Variants in NTM observed in about 807,000 individuals in gnomAD.
The protein encoded by NTM is IgLON family member 2.
In NTM, 13 loss-of-function variants were observed where a neutral mutation model predicts 42.1. The observed-to-expected ratio is 0.31, with a 90% CI of 0.20 to 0.49. NTM has a LOEUF of 0.49. Ranked by LOEUF, NTM falls within the 20% of genes least tolerant of loss-of-function variation. The pLI is 0.99. For synonymous variants in NTM, 187 were observed against 179.2 expected (o/e 1.04, Z -0.35); for missense variants, 373 against 452.8 (o/e 0.82, Z 1.60).
At position 131,775,500 on chromosome 11, in the gene NTM, G is replaced by A. The variant is rs116449905; in HGVS notation, c.83-136064G>A. Among the ~76,000 whole-genome samples, 561 of 152,214 alleles carry A rather than the reference G, an allele frequency of 3.7e-3. 5 individuals carry two copies. Among genetic ancestry groups the A allele is most frequent in the African/African-American group, 0.012 (515 of 41,540 alleles). ...CATGACTAAAAATTTGGTCATTTTA[G>A]TTGCTCTTATTTAATAAATCCCCAA... On this transcript the variant is annotated intron_variant, in intron 1 of 8. Transcript: ENST00000683400.
chr11:132,197,071 G>C (rs756445067), intron 3 of NTM, among the ~76,000 whole-genome samples: 23 of 152,168 alleles, frequency 1.5e-4, no homozygotes, highest in Non-Finnish European at 2.6e-4. Context: ...GCCACAGATG[G>C]GATGGAAGGG....
chr11:131,906,341 C>T (rs1389652469), intron 1 of NTM, among the ~76,000 whole-genome samples: 2 of 152,050 alleles, frequency 1.3e-5, no homozygotes, highest in Admixed American at 1.3e-4. Context: ...AAGAACCCTG[C>T]TGTAGGAGTC....
chr11:132,069,118 G>A (rs541296234), intron 2 of NTM, among the ~76,000 whole-genome samples: 29 of 151,770 alleles, frequency 1.9e-4, no homozygotes, highest in African/African-American at 7.0e-4. Context: ...TCACAGGTTA[G>A]TTTACACGTC....
intron 1 of NTM, among the ~76,000 whole-genome samples, chr11:131,394,627 GA>G (rs774083998): frequency 5.1e-4 from 77 of 152,300 alleles, no homozygotes; most frequent in Non-Finnish European, 9.3e-4. Context: ...CAGGCTAGGA[GA>G]AAAGCTGGCA....
rs79609745 is a variant in NTM at position 131,472,240 on chromosome 11, A to C, written c.82+101352A>C. Among the ~76,000 whole-genome samples the C allele has an allele frequency of 1.4e-3, 209 of 152,260 alleles. 3 individuals are homozygous for C. The East Asian group carries it at 0.037, about 27-fold the overall frequency. ...CCTGCTTTGTTTAATTACACTGGGT[A>C]TCCCCCCTGCATGGTGTCAGCCCCC... On this transcript the variant is annotated intron_variant, in intron 1 of 8. Transcript: ENST00000683400.
intron 3 of NTM, among the ~76,000 whole-genome samples, chr11:132,178,014 A>G (rs1252859949): frequency 1.3e-5 from 2 of 152,250 alleles, no homozygotes; most frequent in African/African-American, 2.4e-5. Context: ...ATTTTGATGG[A>G]GTAATTCAGG....
chr11:131,646,478 G>A (rs2065788034), intron 1 of NTM, among the ~76,000 whole-genome samples: 1 of 152,302 alleles, frequency 6.6e-6, no homozygotes, highest in African/African-American at 2.4e-5. Flanking sequence ...GAGATCCCCT[G>A]AACTTCTGTT....
chr11:131,763,903 C>G (rs1309652176), intron 1 of NTM, among the ~76,000 whole-genome samples: 1 of 151,788 alleles, frequency 6.6e-6, no homozygotes, highest in Non-Finnish European at 1.5e-5. Context: ...GCTATCAAGA[C>G]ATGTAAGTTT....
chr11:131,833,827 C>T (rs1470284986), intron 1 of NTM, among the ~76,000 whole-genome samples: 2 of 152,176 alleles, frequency 1.3e-5, no homozygotes, highest in Non-Finnish European at 2.9e-5. Flanking sequence ...AGAAAGGTAA[C>T]TTCCTTTTTC....
Position 132,002,930 on chromosome 11 carries a change from T to C in NTM, c.167+91282T>C, listed in dbSNP as rs139363461. ...GTTTACTGTTAATAACAGAAATTAC[T>C]ATTAAAAAAGAGGAAACAGGAAAAA... On this transcript the variant is annotated intron_variant, in intron 2 of 8. Coordinates refer to ENST00000683400, the MANE Select transcript of NTM (RefSeq NM_001352005.2). The surrounding 1 kb of genome is among the most constrained non-coding windows in gnomAD (Gnocchi z 4.5). Among the ~76,000 whole-genome samples the C allele has an allele frequency of 2.0e-5, 3 of 152,272 alleles. No homozygotes were observed. Among genetic ancestry groups the C allele is most frequent in the East Asian group, 1.9e-4 (1 of 5,180 alleles).
At chr11:131,574,321 C>T (rs1183617969) in intron 1 of NTM, among the ~76,000 whole-genome samples, 2 of 152,144 alleles carry the variant, frequency 1.3e-5, no homozygotes, top group African/African-American at 4.8e-5. Flanking sequence ...GTCCACAAGC[C>T]CCCATTCTCA....
At chr11:131,485,745 C>G (rs539776594) in intron 1 of NTM, among the ~76,000 whole-genome samples, 1 of 152,140 alleles carries the variant, frequency 6.6e-6, no homozygotes, top group African/African-American at 2.4e-5. Context: ...GAAACTGGGA[C>G]TTAATTTATG....
intron 1 of NTM, among the ~76,000 whole-genome samples, chr11:131,865,728 TGC>T: frequency 1.2e-5 from 1 of 84,304 alleles, no homozygotes; most frequent in Non-Finnish European, 2.4e-5. Context: ...ACACCCCACC[TGC>T]TCTCACACGT....
chr11:132,178,585 C>T (rs929130560), intron 3 of NTM, among the ~76,000 whole-genome samples: 2 of 145,494 alleles, frequency 1.4e-5, no homozygotes, highest in Admixed American at 6.7e-5. Flanking sequence ...GTTTGATAGA[C>T]AGCCTTTTCA....
At chr11:131,936,801 T>C (rs563714578) in intron 2 of NTM, among the ~76,000 whole-genome samples, 9 of 152,228 alleles carry the variant, frequency 5.9e-5, no homozygotes, top group South Asian at 2.1e-4. Context: ...TTACTCTGTA[T>C]TAACAGCAGG....
At chr11:132,087,325 A>G (rs2059846709) in intron 2 of NTM, among the ~76,000 whole-genome samples, 2 of 152,158 alleles carry the variant, frequency 1.3e-5, no homozygotes, top group Non-Finnish European at 2.9e-5. Context: ...TGCCATGGAT[A>G]CTAGCATGAC....
chr11:132,271,418 G>A (rs2093469680), intron 4 of NTM, among the ~76,000 whole-genome samples: 1 of 152,184 alleles, frequency 6.6e-6, no homozygotes, highest in South Asian at 2.1e-4. Context: ...ATACCTAGGA[G>A]TGGAATAGCT....
At chr11:131,419,667 G>A (rs756215853) in intron 1 of NTM, among the ~76,000 whole-genome samples, 13 of 152,102 alleles carry the variant, frequency 8.5e-5, no homozygotes, top group Non-Finnish European at 1.9e-4. Context: ...GCCACATCAT[G>A]TAGGTGGTTG....
intron 2 of NTM, among the ~76,000 whole-genome samples, chr11:132,093,208 C>T (rs896032603): frequency 2.0e-5 from 3 of 152,180 alleles, no homozygotes; most frequent in African/African-American, 7.2e-5. Context: ...TCTCCACATA[C>T]TCCTGATAAC....
Sources: allele counts gnomAD v4.1 joint callset (sites outside exome capture counted in the v4.1 genomes callset), GRCh38; gene constraint gnomAD v4.1.1; non-coding constraint Gnocchi (gnomAD v3.1); transcripts MANE v1.5; gene names NCBI Gene and HGNC (gene_info 2026-07-23, HGNC 2026-07-21).